The following CDS2 variants were observed in gnomAD, a reference collection of about 807,000 sequenced individuals.
The protein encoded by CDS2 is CDP-diacylglycerol synthase 2.
In CDS2, 47 loss-of-function variants were observed where a neutral mutation model predicts 59.0. The ratio of observed to expected loss-of-function variants is 0.80; its 90% CI spans 0.63 to 1.02. CDS2 has a LOEUF of 1.02. Among genes scored for constraint, CDS2 ranks in the 50% least tolerant of loss-of-function variants. The pLI is 0.00. For synonymous variants in CDS2, 207 were observed against 206.4 expected, an observed-to-expected ratio of 1.00 and a Z score of -0.02; for missense variants, 356 against 558.9, an observed-to-expected ratio of 0.64 and a Z score of 3.66.
chr20:5,163,068 G>A (rs950284550), intron 1 of CDS2, among the ~76,000 whole-genome samples: 1 of 152,170 alleles, frequency 6.6e-6, no homozygotes, highest in Non-Finnish European at 1.5e-5. Flanking sequence ...TGATGGCCAG[G>A]TACTGTGGCT....
chr20:5,184,973 C>T lies in CDS2; in HGVS notation c.759+28C>T. The T allele has an allele frequency of 6.7e-7, 1 of 1,500,070 alleles. No individual in the cohort carries two copies. The highest frequency in any genetic ancestry group is 9.3e-7 in the Non-Finnish European group (1 of 1,076,326). 92.9% of individuals were successfully genotyped at this position (1,500,070 alleles called of 1,614,324 possible). On this transcript the variant is annotated intron_variant, in intron 8 of 12. Transcript: ENST00000460006. The surrounding 1 kb of genome is among the most constrained non-coding windows in gnomAD (Gnocchi z 4.3). The stretch of plus-strand genomic sequence containing the variant: ...AAATGGATTACCCTAATGTGAAATA[C>T]CACTGTGAGGGGAGGGTGGTGCTCT...
In CDS2 at chr20:5,192,774, T is replaced by C. The variant is rs1031617669; in HGVS notation, c.*2540T>C. On this transcript the variant is annotated 3_prime_UTR_variant, in exon 13 of 13. Coordinates refer to ENST00000460006, the MANE Select transcript of CDS2 (RefSeq NM_003818.4). ...TGCATAGTCCTGATTCAGAGACTTT[T>C]GCTTTGCTTTCCAACTTGTATCCCT... The C allele has an allele frequency of 1.3e-5, 2 of 152,250 alleles. No homozygotes were observed. Among genetic ancestry groups the C allele is most frequent in the African/African-American group, 4.8e-5 (2 of 41,464 alleles). The allele number at this position is 152,250 out of a possible 1,614,324, so 9.4% of individuals were successfully genotyped here.
intron 5 of CDS2, among the ~76,000 whole-genome samples, chr20:5,179,263 A>G (rs924231567): frequency 1.3e-5 from 2 of 152,082 alleles, no homozygotes; most frequent in African/African-American, 2.4e-5. Flanking sequence ...CTGGGACTAC[A>G]GGTGCCTGCT....
At chr20:5,178,240 A>G (rs2091008220) in intron 4 of CDS2, among the ~76,000 whole-genome samples, 1 of 152,250 alleles carries the variant, frequency 6.6e-6, no homozygotes, top group African/African-American at 2.4e-5. Flanking sequence ...TTAATTGCTT[A>G]GTCAGATAAT....
At chr20:5,155,596 C>G (rs2090827135) in intron 1 of CDS2, among the ~76,000 whole-genome samples, 1 of 152,214 alleles carries the variant, frequency 6.6e-6, no homozygotes, top group Non-Finnish European at 1.5e-5. Context: ...GCTCTCTCCT[C>G]TGTGTCTAAT....
chr20:5,182,164 G>T (rs2091037113), intron 5 of CDS2, among the ~76,000 whole-genome samples: 2 of 152,334 alleles, frequency 1.3e-5, no homozygotes, highest in South Asian at 4.1e-4. Flanking sequence ...AGTGTGGTCT[G>T]CATGATTATA....
intron 1 of CDS2, among the ~76,000 whole-genome samples, chr20:5,152,370 A>T (rs1415167478): frequency 1.3e-5 from 2 of 152,116 alleles, no homozygotes; most frequent in African/African-American, 4.8e-5. Flanking sequence ...TTTGTTTCAA[A>T]GACAGCATTT....
chr20:5,135,145 G>A (rs1344872347), intron 1 of CDS2, among the ~76,000 whole-genome samples: 2 of 151,924 alleles, frequency 1.3e-5, no homozygotes, highest in Admixed American at 1.3e-4. Flanking sequence ...TTAAAATGTT[G>A]ACCATTGAAC....
At chr20:5,163,789 TTC>T (rs148060854) in intron 1 of CDS2, among the ~76,000 whole-genome samples, 34,813 of 131,754 alleles carry the variant, frequency 0.26, 3,876 homozygotes, top group South Asian at 0.41. Context: ...ATTTCTTTCT[TTC>T]TTTTTTTTTT....
At chr20:5,145,937 T>C (rs990340387) in intron 1 of CDS2, among the ~76,000 whole-genome samples, 4 of 149,284 alleles carry the variant, frequency 2.7e-5, no homozygotes, top group African/African-American at 9.8e-5. Context: ...AACCCTCCCA[T>C]CTCAGCCTAT....
At chr20:5,155,652 A>C (rs1600487267) in intron 1 of CDS2, among the ~76,000 whole-genome samples, 1 of 152,196 alleles carries the variant, frequency 6.6e-6, no homozygotes, top group Non-Finnish European at 1.5e-5. Context: ...TTTAGGGCCC[A>C]CATGGATACT....
chr20:5,133,826 A>G (rs1038044862), intron 1 of CDS2, among the ~76,000 whole-genome samples: 6 of 152,284 alleles, frequency 3.9e-5, no homozygotes, highest in South Asian at 2.1e-4. Flanking sequence ...CGCCTGGCCT[A>G]TGAAGGTCTT....
At chr20:5,153,080 G>A (rs952587536) in intron 1 of CDS2, among the ~76,000 whole-genome samples, 1 of 152,120 alleles carries the variant, frequency 6.6e-6, no homozygotes, top group Non-Finnish European at 1.5e-5. Flanking sequence ...TTGTCTTGGG[G>A]CCTTTGGGGC....
intron 1 of CDS2, among the ~76,000 whole-genome samples, chr20:5,159,758 A>G (rs968792374): frequency 6.6e-6 from 1 of 152,186 alleles, no homozygotes; most frequent in Non-Finnish European, 1.5e-5. Context: ...AGATTTTTCT[A>G]GTAATTTTTA....
At chr20:5,188,102 C>A (rs575512799) in intron 10 of CDS2, among the ~76,000 whole-genome samples, 6 of 151,366 alleles carry the variant, frequency 4.0e-5, no homozygotes, top group Non-Finnish European at 8.8e-5. Flanking sequence ...AGAAAAAACA[C>A]AAACATATTT....
In CDS2 at chr20:5,197,784, T is replaced by C. The variant is rs1276465732; in HGVS notation, c.*7550T>C. The C allele has an allele frequency of 2.0e-5, 3 of 152,246 alleles. 1 individual carries two copies. Among genetic ancestry groups the C allele is most frequent in the Admixed American group, 2.0e-4 (3 of 15,282 alleles). The allele number at this position is 152,246 out of a possible 1,614,324, so 9.4% of individuals were successfully genotyped here. A position where few individuals can be genotyped will look rare whatever the true frequency, so the allele number is the denominator to read the frequency against. ...GTTGAACAATACATGTAGGTTCTTT[T>C]TCCACGCAATGTAAGAACATGATAT... On this transcript the variant is annotated 3_prime_UTR_variant, in exon 13 of 13. Transcript: ENST00000460006.
intron 1 of CDS2, among the ~76,000 whole-genome samples, chr20:5,127,941 C>T (rs921036316): frequency 5.9e-5 from 9 of 152,054 alleles, no homozygotes; most frequent in Non-Finnish European, 5.9e-5. Flanking sequence ...GTTGTGCTTT[C>T]CGAGATAGCA....
chr20:5,127,066 C>T lies in CDS2; in HGVS notation c.-27C>T. 6.7e-7 allele frequency: 1 copy of T among 1,487,056 alleles called. No homozygotes were observed. Among genetic ancestry groups the T allele is most frequent in the Non-Finnish European group, 8.9e-7 (1 of 1,118,732 alleles). 92.1% of individuals were successfully genotyped at this position (1,487,056 alleles called of 1,614,324 possible). On this transcript the variant is annotated 5_prime_UTR_variant, in exon 1 of 13. Coordinates refer to ENST00000460006, the MANE Select transcript of CDS2 (RefSeq NM_003818.4). Reference sequence around the variant, plus strand: ...CTCCGGCGGCTTCGCTGCTAGCTCGCGGCGACGTCGGGCCGATTTTCCCAG... The same window carrying T: ...CTCCGGCGGCTTCGCTGCTAGCTCGTGGCGACGTCGGGCCGATTTTCCCAG...
At chr20:5,178,148 G>A (rs1002306691) in intron 4 of CDS2, among the ~76,000 whole-genome samples, 13 of 152,212 alleles carry the variant, frequency 8.5e-5, no homozygotes, top group Non-Finnish European at 1.8e-4. Flanking sequence ...GCCAGTTGAG[G>A]AGAGAGAATA....
Sources: gnomAD v4.1 joint callset for allele counts (sites outside exome capture counted in the v4.1 genomes callset) on GRCh38, gnomAD v4.1.1 for gene constraint, Gnocchi (gnomAD v3.1) non-coding constraint, MANE v1.5 for transcripts, NCBI Gene and HGNC (gene_info 2026-07-23, HGNC 2026-07-21) for gene names.